Variants in RASGEF1B observed in about 807,000 individuals in gnomAD.
RASGEF1B encodes RasGEF domain family member 1B.
RASGEF1B carries 30 observed loss-of-function variants against 65.7 expected under a neutral mutation model. That is an observed-to-expected ratio of 0.46 (90% CI 0.34 to 0.62). The LOEUF is 0.62. Ranked by LOEUF, RASGEF1B falls within the 20% of genes least tolerant of loss-of-function variation. RASGEF1B has a pLI of 0.01. For missense variants in RASGEF1B, 495 were observed against 580.1 expected (o/e 0.85, Z 1.51); for synonymous variants, 175 against 194.8 (o/e 0.90, Z 0.85).
In RASGEF1B at chr4:81,448,225, C is replaced by G; in HGVS notation, c.498G>C (p.Ala166=). The change falls in exon 5 of 14, where the codon GCG becomes GCC. Residue 166 remains alanine, a synonymous_variant. Coordinates refer to ENST00000264400, the MANE Select transcript of RASGEF1B (RefSeq NM_152545.3). ...CCAGGACTTCTTCGTACTGGCTGAGCGCAGCAAGCTTGCGGATCAGACACT... is the reference window on the plus strand; with the variant it reads ...CCAGGACTTCTTCGTACTGGCTGAGGGCAGCAAGCTTGCGGATCAGACACT... ...MMQCLIRKLA[A]LSQYEEVLAK... The G allele has an allele frequency of 6.2e-7, 1 of 1,613,642 alleles. No homozygotes were observed. Among genetic ancestry groups the G allele is most frequent in the Non-Finnish European group, 8.5e-7 (1 of 1,180,012 alleles).
intron 6 of RASGEF1B, among the ~76,000 whole-genome samples, chr4:81,446,523 C>G (rs1722028783): frequency 6.6e-6 from 1 of 152,114 alleles, no homozygotes; most frequent in African/African-American, 2.4e-5. Context: ...ATAATCGATA[C>G]AGCAAAAAAT....
chr4:81,459,278 C>G, intron 2 of RASGEF1B, 54 bp downstream of exon 2: 1 of 1,364,360 alleles, frequency 7.3e-7, no homozygotes, highest in Non-Finnish European at 1.0e-6. Flanking sequence ...GCCTACTGTA[C>G]TGCAATTTCT....
intron 2 of RASGEF1B, among the ~76,000 whole-genome samples, chr4:81,458,291 C>A (rs573213683): frequency 1.3e-5 from 2 of 152,298 alleles, no homozygotes; most frequent in Admixed American, 1.3e-4. Context: ...ATTTCAGACT[C>A]CCAATGAAAA....
intron 1 of RASGEF1B, among the ~76,000 whole-genome samples, chr4:81,463,547 A>G (rs1051650629): frequency 5.3e-5 from 8 of 152,234 alleles, no homozygotes; most frequent in African/African-American, 1.9e-4. Context: ...ATCATGGCTC[A>G]CAGTATTCAT....
intron 1 of RASGEF1B, among the ~76,000 whole-genome samples, chr4:81,461,375 A>G (rs1722637713): frequency 6.6e-6 from 1 of 152,196 alleles, no homozygotes; most frequent in South Asian, 2.1e-4. Flanking sequence ...TTAGATGTTT[A>G]TAACCACAGT....
intron 13 of RASGEF1B, among the ~76,000 whole-genome samples, chr4:81,429,086 C>T (rs993898248): frequency 6.6e-6 from 1 of 152,236 alleles, no homozygotes; most frequent in African/African-American, 2.4e-5. Flanking sequence ...AGACCCTGTG[C>T]TTGCCCTCAA....
chr4:81,437,914 C>T (rs184185528), intron 10 of RASGEF1B, among the ~76,000 whole-genome samples: 1 of 152,284 alleles, frequency 6.6e-6, no homozygotes, highest in African/African-American at 2.4e-5. Context: ...TGAATGTACA[C>T]ATTATTAGTA....
chr4:81,451,838 A>T (rs1454664748), intron 4 of RASGEF1B: 2 of 152,206 alleles, frequency 1.3e-5, no homozygotes, highest in East Asian at 3.9e-4. Context: ...TACATCATGC[A>T]CCTTCTCCTC....
At chr4:81,463,651 G>C (rs1035926388) in intron 1 of RASGEF1B, among the ~76,000 whole-genome samples, 1 of 152,122 alleles carries the variant, frequency 6.6e-6, no homozygotes, top group Non-Finnish European at 1.5e-5. Flanking sequence ...ATAATCACAA[G>C]GAAAAATCAG....
At chr4:81,461,997 A>G (rs1001532875) in intron 1 of RASGEF1B, among the ~76,000 whole-genome samples, 1 of 152,204 alleles carries the variant, frequency 6.6e-6, no homozygotes, top group Non-Finnish European at 1.5e-5. Flanking sequence ...ATCAGCACCA[A>G]AAGCTACCAA....
At chr4:81,429,278 G>A (rs924014321) in intron 13 of RASGEF1B, among the ~76,000 whole-genome samples, 1 of 152,130 alleles carries the variant, frequency 6.6e-6, no homozygotes, top group Non-Finnish European at 1.5e-5. Flanking sequence ...TATGGAAAAG[G>A]CAGAGTGTGT....
rs1256689269 is a variant in RASGEF1B at position 81,426,632 on chromosome 4, GACTT to G, written c.*1132_*1135del. On this transcript the variant is annotated 3_prime_UTR_variant, in exon 14 of 14. Transcript: ENST00000264400. ...AATGGCTGTTTGCAGAGCGACTACA[GACTT>G]ACTTAGATGTTTAACAAGGTGAACG... 6.6e-6 allele frequency: 1 copy of G among 152,182 alleles called. No individual in the cohort carries two copies. The highest frequency in any genetic ancestry group is 1.5e-5 in the Non-Finnish European group (1 of 68,032). The allele number at this position is 152,182 out of a possible 1,614,324, so 9.4% of individuals were successfully genotyped here.
intron 10 of RASGEF1B, among the ~76,000 whole-genome samples, chr4:81,436,622 T>TA (rs1173937180): frequency 6.6e-6 from 1 of 152,188 alleles, no homozygotes; most frequent in African/African-American, 2.4e-5. Context: ...TCCTACAATG[T>TA]AAAAAATCCA....
At chr4:81,435,197 G>A (rs994079034) in intron 10 of RASGEF1B, among the ~76,000 whole-genome samples, 17 of 151,974 alleles carry the variant, frequency 1.1e-4, no homozygotes, top group Non-Finnish European at 2.1e-4. Flanking sequence ...GGATCATGAG[G>A]TCAGGAGATC....
At chr4:81,448,476 G>A (rs1314776868) in intron 4 of RASGEF1B, among the ~76,000 whole-genome samples, 192 bp from the exon 5 acceptor site, 3 of 152,138 alleles carry the variant, frequency 2.0e-5, no homozygotes, top group Non-Finnish European at 4.4e-5. Flanking sequence ...AAACCTGTAA[G>A]GTTTAGTTCT....
chr4:81,438,736 C>G (rs114909677), intron 10 of RASGEF1B, among the ~76,000 whole-genome samples: 2,223 of 151,908 alleles, frequency 0.015, 28 homozygotes, highest in Non-Finnish European at 0.023. Flanking sequence ...CCCCAGCCCC[C>G]TACTGGCCCA....
At chr4:81,456,630 C>T (rs373438119) in intron 4 of RASGEF1B, 21 bp downstream of exon 4, 77 of 1,613,478 alleles carry the variant, frequency 4.8e-5, no homozygotes, top group East Asian at 2.5e-4. Flanking sequence ...CCAGCAGCCG[C>T]GCTAAATTCA....
intron 13 of RASGEF1B, among the ~76,000 whole-genome samples, chr4:81,429,240 T>G (rs1322258390): frequency 6.6e-6 from 1 of 152,210 alleles, no homozygotes; most frequent in Non-Finnish European, 1.5e-5. Flanking sequence ...GGGGAGGCAT[T>G]GGAGCTGGGC....
rs367620322 is a variant in RASGEF1B at position 81,448,200 on chromosome 4, C to A, written c.523G>T (p.Ala175Ser). 4 of 1,614,026 alleles carry A rather than the reference C, an allele frequency of 2.5e-6. 1 individual carries two copies. The highest frequency in any genetic ancestry group is 3.4e-4 in the Middle Eastern group (2 of 5,958). The change falls in exon 5 of 14, where the codon GCA becomes TCA. Residue 175 changes from alanine to serine, a missense_variant. Ala to Ser is a moderately conservative substitution (Grantham distance 99). Coordinates refer to ENST00000264400, the MANE Select transcript of RASGEF1B (RefSeq NM_152545.3). ...TCTGTGGATGTGGAGCTGATTTTTGCCAGGACTTCTTCGTACTGGCTGAGC... is the reference window on the plus strand; with the variant it reads ...TCTGTGGATGTGGAGCTGATTTTTGACAGGACTTCTTCGTACTGGCTGAGC... ...AALSQYEEVLAKISSTSTDRL... is the reference protein window; with the variant it reads ...AALSQYEEVLSKISSTSTDRL...
Sources: allele counts gnomAD v4.1 joint callset (sites outside exome capture counted in the v4.1 genomes callset), GRCh38; gene constraint gnomAD v4.1.1; transcripts MANE v1.5; gene names NCBI Gene and HGNC (gene_info 2026-07-23, HGNC 2026-07-21).